The following GPHN variants were observed in gnomAD, a reference collection of about 807,000 sequenced individuals.
GPHN encodes gephyrin.
A neutral mutation model predicts 95.5 loss-of-function variants in GPHN; 17 were observed. The observed-to-expected ratio is 0.18, with a 90% confidence interval of 0.12 to 0.27. The LOEUF is 0.27. Ranked by LOEUF, GPHN falls within the 10% of genes least tolerant of loss-of-function variation. GPHN has a pLI of 1.00. For synonymous variants in GPHN, 320 were observed against 322.5 expected (o/e 0.99, Z 0.08); for missense variants, 660 against 978.1 (o/e 0.67, Z 4.34).
intron 9 of GPHN, among the ~76,000 whole-genome samples, chr14:66,990,858 T>C (rs188122345): frequency 8.6e-4 from 130 of 151,788 alleles, no homozygotes; most frequent in Middle Eastern, 3.4e-3. Context: ...TGCTAATAAA[T>C]AAAAATTAAA....
the GPHN span, among the ~76,000 whole-genome samples, chr14:67,342,557 C>CTTTTTT: frequency 1.5e-5 from 2 of 136,986 alleles, no homozygotes; most frequent in African/African-American, 5.4e-5. Context: ...ACGAATTATC[C>CTTTTTT]TTTTTTTTTT....
chr14:67,069,316 A>G (rs2076189493), intron 11 of GPHN, among the ~76,000 whole-genome samples: 1 of 152,132 alleles, frequency 6.6e-6, no homozygotes, highest in African/African-American at 2.4e-5. Flanking sequence ...TAACCCTGAG[A>G]TAAGCACTTG....
intron 3 of GPHN, among the ~76,000 whole-genome samples, chr14:66,779,593 A>G (rs1317342714): frequency 2.6e-5 from 4 of 152,154 alleles, no homozygotes; most frequent in Non-Finnish European, 5.9e-5. Context: ...AGTTTTATGG[A>G]AATACATAGA....
At chr14:66,627,409 G>T (rs1351602307) in intron 1 of GPHN, among the ~76,000 whole-genome samples, 1 of 151,616 alleles carries the variant, frequency 6.6e-6, no homozygotes, top group African/African-American at 2.4e-5. Flanking sequence ...ATTCGTTGAT[G>T]GATCTAGTTC....
the GPHN span, among the ~76,000 whole-genome samples, chr14:67,693,587 G>A: frequency 2.1e-3 from 323 of 151,226 alleles, 7 homozygotes; most frequent in East Asian, 0.052. Flanking sequence ...TATGTACAAA[G>A]GGGAGCTGGG....
At chr14:67,290,774 G>C in the GPHN span, among the ~76,000 whole-genome samples, 1 of 151,986 alleles carries the variant, frequency 6.6e-6, no homozygotes, top group Admixed American at 6.6e-5. Context: ...GACTCAAGCA[G>C]TCCACCTGCT....
the GPHN span, chr14:67,200,117 C>T: frequency 3.8e-6 from 4 of 1,057,762 alleles, no homozygotes; most frequent in Non-Finnish European, 5.6e-6. Flanking sequence ...GGCATGCCCC[C>T]CCGAAGGCCT....
chr14:66,648,372 T>C (rs923032196), intron 1 of GPHN, among the ~76,000 whole-genome samples: 1 of 152,208 alleles, frequency 6.6e-6, no homozygotes, highest in Non-Finnish European at 1.5e-5. Flanking sequence ...ATTTTATTTA[T>C]ATAAGGTCTT....
chr14:67,577,535 A>G, the GPHN span: 1 of 671,090 alleles, frequency 1.5e-6, no homozygotes, highest in Non-Finnish European at 2.6e-6. Context: ...GAAACTTCCC[A>G]GGGTCCCTAT....
the GPHN span, among the ~76,000 whole-genome samples, chr14:67,389,961 C>G: frequency 1.3e-5 from 2 of 152,056 alleles, no homozygotes; most frequent in African/African-American, 4.8e-5. Context: ...CCTGGCCTAG[C>G]TGGGTCCAGG....
At chr14:67,556,205 T>C in the GPHN span, among the ~76,000 whole-genome samples, 2 of 152,220 alleles carry the variant, frequency 1.3e-5, no homozygotes, top group Admixed American at 6.5e-5. Context: ...GCTTCCACAG[T>C]CACTCAGGAA....
the GPHN span, among the ~76,000 whole-genome samples, chr14:67,497,773 C>G: frequency 2.6e-5 from 4 of 151,856 alleles, no homozygotes; most frequent in African/African-American, 9.7e-5. Flanking sequence ...CACGTCAACC[C>G]CAGCAGCACC....
chr14:67,038,813 C>A (rs1798102375), intron 10 of GPHN, among the ~76,000 whole-genome samples: 1 of 152,136 alleles, frequency 6.6e-6, no homozygotes, highest in Non-Finnish European at 1.5e-5. Flanking sequence ...CAATTACACT[C>A]CCACTTACTC....
At chr14:67,481,808 A>G in the GPHN span, among the ~76,000 whole-genome samples, 1 of 152,200 alleles carries the variant, frequency 6.6e-6, no homozygotes, top group Non-Finnish European at 1.5e-5. Context: ...CCCTGGGATC[A>G]GAGCCCTGGG....
intron 1 of GPHN, among the ~76,000 whole-genome samples, chr14:66,517,616 C>T (rs186408589): frequency 1.6e-4 from 25 of 152,202 alleles, no homozygotes; most frequent in African/African-American, 4.8e-4. Context: ...GGAACAGAAT[C>T]GAGAACCCAG....
At chr14:67,160,635 T>C (rs1216243502) in intron 19 of GPHN, among the ~76,000 whole-genome samples, 1 of 152,148 alleles carries the variant, frequency 6.6e-6, no homozygotes, top group Non-Finnish European at 1.5e-5. Context: ...ACTGTATGGC[T>C]GAGAGTTCCA....
chr14:67,611,257 C>G, the GPHN span: 1 of 151,148 alleles, frequency 6.6e-6, no homozygotes, highest in Non-Finnish European at 1.5e-5. Flanking sequence ...CCCTCTCTCT[C>G]TCTTTCTTTC....
At chr14:66,897,360 T>C (rs2064905684) in intron 5 of GPHN, among the ~76,000 whole-genome samples, 1 of 152,136 alleles carries the variant, frequency 6.6e-6, no homozygotes, top group Non-Finnish European at 1.5e-5. Flanking sequence ...TACCCAGTAG[T>C]GCAATTGCTG....
chr14:67,727,517 T>C, the GPHN span: 3 of 339,404 alleles, frequency 8.8e-6, no homozygotes, highest in South Asian at 7.3e-5. Context: ...AGTTTCGCTC[T>C]TGTCGCCCAG....
Sources: gnomAD v4.1 joint callset for allele counts (sites outside exome capture counted in the v4.1 genomes callset) on GRCh38, gnomAD v4.1.1 for gene constraint, MANE v1.5 for transcripts, NCBI Gene and HGNC (gene_info 2026-07-23, HGNC 2026-07-21) for gene names.